The following WDR81 variants were observed in gnomAD, a reference collection of about 807,000 sequenced individuals.
WDR81 encodes WD repeat-containing protein 81.
Under a neutral mutation model 140.8 loss-of-function variants are expected in WDR81, and 92 were observed. The ratio of observed to expected loss-of-function variants is 0.65; its 90% CI spans 0.55 to 0.78. The LOEUF is 0.78. Ranked by LOEUF, WDR81 falls within the 30% of genes least tolerant of loss-of-function variation. The pLI is 0.00. For missense variants in WDR81, 2,502 were observed against 2,636.4 expected (o/e 0.95, Z 1.12); for synonymous variants, 1,183 against 1,156.4 (o/e 1.02, Z -0.47).
Position 1,734,170 on chromosome 17 carries a change from C to G in WDR81, c.5133C>G (p.His1711Gln). 1 of 1,597,466 alleles carries G rather than the reference C, an allele frequency of 6.3e-7. No homozygotes were observed. The highest frequency in any genetic ancestry group is 1.1e-5 in the South Asian group (1 of 90,932). Residue 1711 changes from histidine to glutamine, a missense_variant, in exon 7 of 10, where the codon CAC (histidine) becomes CAG (glutamine). Physicochemically the swap from His to Gln is conservative, Grantham distance 24. This residue lies in a region of WDR81 where 1,737 missense variants were observed against 1,843.0 expected (regional missense o/e 0.94). Transcript: ENST00000409644. ...TGGGCCAGCTTGAGGCCCCGCAGCACGTGGTGAGCTGTGACGGGGCTGTGC... is the reference window on the plus strand; with the variant it reads ...TGGGCCAGCTTGAGGCCCCGCAGCAGGTGGTGAGCTGTGACGGGGCTGTGC... ...FFVGQLEAPQ[H>Q]VVSCDGAVHV...
chr17:1,737,236 G>A (rs549464256), intron 9 of WDR81, 129 bp from the exon 10 acceptor site: 12 of 828,106 alleles, frequency 1.4e-5, no homozygotes, highest in East Asian at 1.3e-4. Context: ...GGAGGGTGGC[G>A]GCTTGTCACC....
intron 5 of WDR81, 25 bp downstream of exon 5, chr17:1,732,515 C>A (rs555588642): frequency 1.7e-6 from 1 of 599,266 alleles, no homozygotes; most frequent in Non-Finnish European, 3.1e-6. Flanking sequence ...TGGGCCAGGG[C>A]GGGCTGGGGC....
intron 1 of WDR81, among the ~76,000 whole-genome samples, chr17:1,718,305 A>G (rs1291680912): frequency 2.0e-5 from 3 of 151,890 alleles, no homozygotes; most frequent in African/African-American, 7.3e-5. Flanking sequence ...TTTAGTAGAG[A>G]TGGTGTTTTG....
At chr17:1,731,559 C>T (rs1040743093) in intron 4 of WDR81, among the ~76,000 whole-genome samples, 2 of 151,724 alleles carry the variant, frequency 1.3e-5, no homozygotes, top group Admixed American at 6.6e-5. Flanking sequence ...ATTGCTTGAG[C>T]CCAGGAGTTC....
At position 1,724,976 on chromosome 17, in the gene WDR81, G is replaced by C. The variant is rs879770324; in HGVS notation, c.17G>C (p.Gly6Ala). Reference protein sequence around the residue: MAQGSGGREGALRTPA... With the variant: MAQGSAGREGALRTPA... Reference sequence around the variant, plus strand: ...CTGGAGGAGATGGCCCAGGGCAGCGGGGGGCGGGAAGGCGCTCTCAGAACC... The same window carrying C: ...CTGGAGGAGATGGCCCAGGGCAGCGCGGGGCGGGAAGGCGCTCTCAGAACC... The change falls in exon 1 of 10, where the codon GGG (glycine) becomes GCG (alanine). Residue 6 changes from glycine (G) to alanine (A), a missense_variant. This residue lies in a region of WDR81 where 547 missense variants were observed against 513.8 expected (regional missense o/e 1.06). Transcript: ENST00000409644. 312 of 1,456,990 alleles carry C rather than the reference G, an allele frequency of 2.1e-4. No homozygotes were observed. Among genetic ancestry groups the C allele is most frequent in the Non-Finnish European group, 2.7e-4 (296 of 1,108,642 alleles). The allele number at this position is 1,456,990 out of a possible 1,614,324, so 90.3% of individuals were successfully genotyped here. A position where few individuals can be genotyped will look rare whatever the true frequency, so the allele number is the denominator to read the frequency against.
upstream of WDR81, chr17:1,724,532 G>T: frequency 2.0e-6 from 2 of 986,780 alleles, no homozygotes; most frequent in South Asian, 9.4e-5. Flanking sequence ...GGCCCGGCTG[G>T]AGCTGGCTGG....
Position 1,725,547 on chromosome 17 carries a change from C to G in WDR81, c.588C>G (p.Thr196=). 1 of 1,545,184 alleles carries G rather than the reference C, an allele frequency of 6.5e-7. No homozygotes were observed. The highest frequency in any genetic ancestry group is 8.7e-7 in the Non-Finnish European group (1 of 1,146,958). ...CCTTCCTGCCAGTGGGTGAAACTACCCAATGCCCTTCATATGCCAGAGAAG... is the reference window on the plus strand; with the variant it reads ...CCTTCCTGCCAGTGGGTGAAACTACGCAATGCCCTTCATATGCCAGAGAAG... ...GCSFLPVGET[T]QCPSYAREGP... The change falls in exon 1 of 10, where the codon ACC becomes ACG. Residue 196 remains threonine, a synonymous_variant. Coordinates refer to ENST00000409644, the MANE Select transcript of WDR81 (RefSeq NM_001163809.2).
chr17:1,735,686 G>A lies in WDR81; in HGVS notation c.5294G>A (p.Arg1765His), dbSNP rs749317908. The change falls in exon 8 of 10, where the codon CGC (arginine) becomes CAC (histidine). Residue 1765 changes from arginine to histidine, a missense_variant. Physicochemically the swap from Arg to His is conservative, Grantham distance 29. Transcript: ENST00000409644. This position sits in a 1 kb window ranked among gnomAD's most constrained non-coding sequence, Gnocchi z 4.2. ...ITMASSDSTL[R>H]FVDCRKPGLQ... is the part of the protein sequence containing the mutation. ...ATGGCCAGCTCTGACTCTACCCTGC[G>A]CTTTGTGGACTGCAGGAAGCCTGGT... The A allele has an allele frequency of 1.5e-5, 24 of 1,612,764 alleles. No individual in the cohort carries two copies. Among genetic ancestry groups the A allele is most frequent in the East Asian group, 2.2e-5 (1 of 44,878 alleles).
At position 1,728,481 on chromosome 17, in the gene WDR81, G is replaced by A; in HGVS notation, c.3522G>A (p.Glu1174=). ...VLEEEEGEQE[E]VTGASELTLS... ...AGGAGGAGGAGGGGGAGCAGGAGGA[G>A]GTCACCGGGGCATCTGAGCTCACTC... Residue 1174 remains glutamate (E), a synonymous_variant, in exon 1 of 10, where the codon GAG becomes GAA. Coordinates refer to ENST00000409644, the MANE Select transcript of WDR81 (RefSeq NM_001163809.2). 1 of 1,604,528 alleles carries A rather than the reference G, an allele frequency of 6.2e-7. No homozygotes were observed. Among genetic ancestry groups the A allele is most frequent in the Non-Finnish European group, 8.5e-7 (1 of 1,174,840 alleles).
chr17:1,725,569 G>A lies in WDR81; in HGVS notation c.610G>A (p.Glu204Lys), dbSNP rs554912045. The change falls in exon 1 of 10, where the codon GAA becomes AAA. Residue 204 changes from glutamate to lysine, a missense_variant. Glu to Lys is a moderately conservative substitution (Grantham distance 56). Around this residue, in one of 3 missense-constraint regions of WDR81, gnomAD observed 547 missense variants for 513.8 expected, o/e 1.06. Coordinates refer to ENST00000409644, the MANE Select transcript of WDR81 (RefSeq NM_001163809.2). ...TACCCAATGCCCTTCATATGCCAGA[G>A]AAGGCCCCTGCCCCCCTCGGGGCAG... The part of the protein sequence containing the change: ...ETTQCPSYAR[E>K]GPCPPRGSPA... 243 of 1,545,148 alleles carry A rather than the reference G, an allele frequency of 1.6e-4. 1 individual carries two copies. In the East Asian group the frequency reaches 5.8e-3, roughly 37 times the overall value.
chr17:1,730,164 G>C (rs918102959), intron 1 of WDR81, among the ~76,000 whole-genome samples: 16 of 152,200 alleles, frequency 1.1e-4, no homozygotes, highest in African/African-American at 3.1e-4. Flanking sequence ...GGTCGTGCCT[G>C]TGGAGAGGAA....
chr17:1,725,652 G>T lies in WDR81; in HGVS notation c.693G>T (p.Leu231=). 1.3e-6 allele frequency: 2 copies of T among 1,546,634 alleles called. No homozygotes were observed. The highest frequency in any genetic ancestry group is 1.7e-6 in the Non-Finnish European group (2 of 1,146,988). Residue 231 remains leucine, a synonymous_variant, in exon 1 of 10, where the codon CTG becomes CTT. Transcript: ENST00000409644. ...CCTTGCTGGAGTCGCCGGAGATGCT[G>T]TATGTGGTACACCCTTACGTACAGT... ...AEALLESPEM[L]YVVHPYVQFS...
At chr17:1,736,004 G>C in intron 8 of WDR81, 35 bp from the exon 9 acceptor site, 1 of 1,560,366 alleles carries the variant, frequency 6.4e-7, no homozygotes, top group Non-Finnish European at 8.6e-7. Flanking sequence ...GAGATGGGAA[G>C]GTGGTGCCTC....
At chr17:1,731,293 GC>G in intron 4 of WDR81, 35 bp downstream of exon 4, 1 of 1,598,654 alleles carries the variant, frequency 6.3e-7, no homozygotes, top group African/African-American at 1.3e-5. Flanking sequence ...AGGGGGACCG[GC>G]CCAGCGGAGG....
At position 1,738,068 on chromosome 17, in the gene WDR81, C is replaced by G. The variant is rs913008804; in HGVS notation, c.*383C>G. ...CCAGCCGGTCTCTAGCCCCTCAGCC[C>G]CCGCTGGGCACTCTCTGTCCCATCC... is the stretch of plus-strand genomic sequence containing the variant. On this transcript the variant is annotated 3_prime_UTR_variant, in exon 10 of 10. Coordinates refer to ENST00000409644, the MANE Select transcript of WDR81 (RefSeq NM_001163809.2). 3 of 305,290 alleles carry G rather than the reference C, an allele frequency of 9.8e-6. No individual in the cohort carries two copies. The highest frequency in any genetic ancestry group is 6.4e-5 in the African/African-American group (3 of 46,648). 18.9% of individuals were successfully genotyped at this position (305,290 alleles called of 1,614,324 possible).
intron 1 of WDR81, chr17:1,716,985 G>A (rs188884899): frequency 6.6e-5 from 27 of 409,438 alleles, no homozygotes; most frequent in Admixed American, 2.1e-4. Flanking sequence ...AGAGCCCCCA[G>A]AGCCTCCCAA....
chr17:1,722,883 T>C (rs928731948), upstream of WDR81, among the ~76,000 whole-genome samples: 2 of 151,814 alleles, frequency 1.3e-5, no homozygotes, highest in East Asian at 1.9e-4. Flanking sequence ...TTAGTAGAGA[T>C]GGAGTTTCCC....
At chr17:1,730,706 C>A in intron 2 of WDR81, 49 bp from the exon 3 acceptor site, 1 of 1,554,678 alleles carries the variant, frequency 6.4e-7, no homozygotes. Context: ...GGCCAGGCTA[C>A]CCCCGGCCCT....
chr17:1,731,103 G>A lies in WDR81; in HGVS notation c.4002G>A (p.Leu1334=), dbSNP rs776461368. ...GGAGTGCCTCAGGCCCCAGCCGACT[G>A]AACAGCCGTAAGGAGGCGGGGCTGC... ...APGSASGPSR[L]NSRKEAGLLA... is the part of the protein sequence containing the mutation. Residue 1334 remains leucine, a synonymous_variant, in exon 4 of 10, where the codon CTG becomes CTA. Transcript: ENST00000409644. 49 of 1,612,904 alleles carry A rather than the reference G, an allele frequency of 3.0e-5. No homozygotes were observed. Among genetic ancestry groups the A allele is most frequent in the Non-Finnish European group, 4.1e-5 (48 of 1,179,960 alleles).
Sources: allele counts gnomAD v4.1 joint callset (sites outside exome capture counted in the v4.1 genomes callset), GRCh38; gene constraint gnomAD v4.1.1; regional missense constraint gnomAD v4.1.1; non-coding constraint Gnocchi (gnomAD v3.1); transcripts MANE v1.5; gene names NCBI Gene and HGNC (gene_info 2026-07-23, HGNC 2026-07-21).